LUZP2: variants seen among roughly 807,000 people sequenced by gnomAD.
LUZP2 encodes the protein leucine zipper protein 2.
LUZP2 carries 52 observed loss-of-function variants against 51.6 expected under a neutral mutation model. The ratio of observed to expected loss-of-function variants is 1.01; its 90% CI spans 0.81 to 1.27. LUZP2 has a LOEUF of 1.27. LUZP2 is among the 50% of genes most tolerant of loss of function. The probability of loss-of-function intolerance (pLI) is 0.00; values close to 1 mark genes in which losing one functional copy is unlikely to be tolerated. For synonymous variants in LUZP2, 154 were observed against 137.3 expected, an observed-to-expected ratio of 1.12 and a Z score of -0.85; for missense variants, 436 against 395.4, an observed-to-expected ratio of 1.10 and a Z score of -0.87.
chr11:24,763,583 T>G (rs536869979), intron 5 of LUZP2, among the ~76,000 whole-genome samples: 20 of 152,246 alleles, frequency 1.3e-4, no homozygotes, highest in African/African-American at 4.3e-4. Flanking sequence ...CAATTTTCAT[T>G]TAATACATTT....
intron 7 of LUZP2, among the ~76,000 whole-genome samples, chr11:24,953,570 G>A (rs1048225598): frequency 1.3e-5 from 2 of 151,878 alleles, no homozygotes; most frequent in Non-Finnish European, 2.9e-5. Flanking sequence ...AGCTCCTAAA[G>A]GAACACTTCT....
At chr11:24,927,965 G>T (rs184724216) in intron 7 of LUZP2, among the ~76,000 whole-genome samples, 1 of 151,662 alleles carries the variant, frequency 6.6e-6, no homozygotes, top group South Asian at 2.1e-4. Context: ...CCTTGGTTAG[G>T]TATATTCCTA....
intron 1 of LUZP2, among the ~76,000 whole-genome samples, chr11:24,694,969 T>TA (rs1857200331): frequency 6.6e-6 from 1 of 151,638 alleles, no homozygotes; most frequent in Admixed American, 6.6e-5. Flanking sequence ...GACAAATACC[T>TA]AATGCATACG....
At chr11:24,963,410 G>A (rs1336661259) in intron 7 of LUZP2, among the ~76,000 whole-genome samples, 1 of 152,178 alleles carries the variant, frequency 6.6e-6, no homozygotes, top group East Asian at 1.9e-4. Flanking sequence ...AGCTGTGGTG[G>A]GCTCCACCCA....
rs1324077453 is a variant in LUZP2 at position 24,733,273 on chromosome 11, A to C, written c.251+1085A>C. Among the ~76,000 whole-genome samples the C allele has an allele frequency of 2.0e-5, 3 of 151,936 alleles. No homozygotes were observed. In the East Asian group the frequency reaches 5.8e-4, roughly 29 times the overall value. On this transcript the variant is annotated intron_variant, in intron 3 of 11. Coordinates refer to ENST00000336930, the MANE Select transcript of LUZP2 (RefSeq NM_001009909.4). ...CTCTTTAAAGTCTAATATTAAGAAA[A>C]ACTTGAAAAGAGCAATCCGAACATG...
intron 5 of LUZP2, among the ~76,000 whole-genome samples, chr11:24,840,543 T>A (rs1371710663): frequency 6.6e-6 from 1 of 151,938 alleles, no homozygotes; most frequent in Non-Finnish European, 1.5e-5. Context: ...AAGAATAATC[T>A]ATGAAGCTTG....
chr11:24,893,770 ACG>A (rs1158791348), intron 5 of LUZP2, among the ~76,000 whole-genome samples: 3 of 23,680 alleles, frequency 1.3e-4, no homozygotes, highest in Admixed American at 7.3e-4. Flanking sequence ...ACAAATACAC[ACG>A]CACACACACA....
At chr11:25,050,333 G>GGTCT (rs1426479255) in intron 10 of LUZP2, among the ~76,000 whole-genome samples, 3 of 100,018 alleles carry the variant, frequency 3.0e-5, no homozygotes, top group Non-Finnish European at 3.6e-5. Flanking sequence ...ACGGAGTCTT[G>GGTCT]GTCTGTCGCC....
At chr11:24,525,690 T>G (rs1321631249) in intron 1 of LUZP2, among the ~76,000 whole-genome samples, 3 of 151,362 alleles carry the variant, frequency 2.0e-5, no homozygotes, top group Non-Finnish European at 4.4e-5. Flanking sequence ...CATCTGCAAA[T>G]TCTCTAATAT....
intron 9 of LUZP2, among the ~76,000 whole-genome samples, chr11:25,016,021 C>T (rs370759005): frequency 2.1e-4 from 31 of 151,140 alleles, no homozygotes; most frequent in Middle Eastern, 3.4e-3. Context: ...CCCGGGTTCA[C>T]GCCATTCTCC....
chr11:24,697,702 A>C (rs941576746), intron 1 of LUZP2, among the ~76,000 whole-genome samples: 6 of 152,228 alleles, frequency 3.9e-5, no homozygotes, highest in Non-Finnish European at 7.3e-5. Context: ...AATTCTGCTA[A>C]TGCAGTTAAG....
At chr11:24,903,997 TG>T (rs1853360553) in intron 5 of LUZP2, among the ~76,000 whole-genome samples, 1 of 152,122 alleles carries the variant, frequency 6.6e-6, no homozygotes, top group African/African-American at 2.4e-5. Context: ...TATCCAGTAA[TG>T]GGGTTGCTGG....
intron 7 of LUZP2, among the ~76,000 whole-genome samples, chr11:24,969,895 T>G (rs1319682820): frequency 6.6e-6 from 1 of 152,080 alleles, no homozygotes; most frequent in Non-Finnish European, 1.5e-5. Context: ...TGAGTTTTGG[T>G]GGGAACACAC....
chr11:25,064,689 T>C (rs1368348362), intron 10 of LUZP2, among the ~76,000 whole-genome samples: 1 of 152,036 alleles, frequency 6.6e-6, no homozygotes. Flanking sequence ...AATATCAACA[T>C]TTCCAGTTCA....
chr11:24,900,234 A>G (rs1436677998), intron 5 of LUZP2, among the ~76,000 whole-genome samples: 1 of 152,162 alleles, frequency 6.6e-6, no homozygotes, highest in Admixed American at 6.5e-5. Flanking sequence ...TTTAAGCTTT[A>G]TAAGGTTGGT....
At chr11:24,896,017 TTAAC>T (rs1342535007) in intron 5 of LUZP2, among the ~76,000 whole-genome samples, 1 of 152,168 alleles carries the variant, frequency 6.6e-6, no homozygotes, top group African/African-American at 2.4e-5. Flanking sequence ...TTTTGACTAT[TTAAC>T]TACAGCAATT....
At chr11:24,548,169 C>T (rs1192581993) in intron 1 of LUZP2, among the ~76,000 whole-genome samples, 1 of 152,052 alleles carries the variant, frequency 6.6e-6, no homozygotes, top group Non-Finnish European at 1.5e-5. Context: ...TAAAATAGAA[C>T]TACCATTTGA....
At chr11:25,050,179 G>C (rs1858450178) in intron 10 of LUZP2, 49 bp downstream of exon 10, 2 of 1,103,088 alleles carry the variant, frequency 1.8e-6, no homozygotes, top group South Asian at 1.7e-5. Flanking sequence ...GGAGAAAAAA[G>C]CACAAGCATT....
rs539794541 is a variant in LUZP2, at chr11:24,611,073, TTTTTG to T, written c.62+113789_62+113793del. The stretch of plus-strand genomic sequence containing the variant: ...TAGCTTTGTTTTTTTTTATTTTTAT[TTTTTG>T]TTTTGTTTTGTTTTGTTTTGGCTAT... On this transcript the variant is annotated intron_variant, in intron 1 of 11. Coordinates refer to ENST00000336930, the MANE Select transcript of LUZP2 (RefSeq NM_001009909.4). This position sits in a 1 kb window ranked among gnomAD's most constrained non-coding sequence, Gnocchi z 4.6. Among the ~76,000 whole-genome samples the T allele has an allele frequency of 3.3e-5, 5 of 152,122 alleles. No homozygotes were observed. The highest frequency in any genetic ancestry group is 1.2e-4 in the African/African-American group (5 of 41,438).
Sources: allele counts gnomAD v4.1 joint callset (sites outside exome capture counted in the v4.1 genomes callset), GRCh38; gene constraint gnomAD v4.1.1; non-coding constraint Gnocchi (gnomAD v3.1); transcripts MANE v1.5; gene names NCBI Gene and HGNC (gene_info 2026-07-23, HGNC 2026-07-21).